KLK13: variants seen among roughly 807,000 people sequenced by gnomAD.
KLK13 encodes the protein kallikrein related peptidase 13, also known as kallikrein-13.
A neutral mutation model predicts 22.4 loss-of-function variants in KLK13; 19 were observed. That is an observed-to-expected ratio of 0.85 (90% CI 0.59 to 1.24). The LOEUF (loss-of-function observed/expected upper bound fraction) is 1.24. Ranked by LOEUF, KLK13 falls within the 50% of genes most tolerant of loss-of-function variation. The probability of loss-of-function intolerance (pLI) is 0.00; values close to 1 mark genes in which losing one functional copy is unlikely to be tolerated. For missense variants in KLK13, 311 were observed against 347.9 expected, an observed-to-expected ratio of 0.89 and a Z score of 0.84; for synonymous variants, 156 against 141.8, an observed-to-expected ratio of 1.10 and a Z score of -0.71.
At position 51,060,372 on chromosome 19, in the gene KLK13, C is replaced by A; in HGVS notation, c.239+61G>T. 5 of 1,492,726 alleles carry A rather than the reference C, an allele frequency of 3.3e-6. No individual in the cohort carries two copies. In the South Asian group the frequency reaches 5.2e-5, roughly 15 times the overall value. The allele number at this position is 1,492,726 out of a possible 1,614,324, so 92.5% of individuals were successfully genotyped here. A position where few individuals can be genotyped will look rare whatever the true frequency, so the allele number is the denominator to read the frequency against. ...ACTCCATCCTCAAATCCAACTCTAC[C>A]CCATCCACAATCCCAGTCCCATTCT... is the stretch of plus-strand genomic sequence containing the variant. On this transcript the variant is annotated intron_variant, in intron 2 of 4. Coordinates refer to ENST00000595793, the MANE Select transcript of KLK13 (RefSeq NM_015596.3).
At chr19:51,061,807 G>A (rs934606910) in intron 1 of KLK13, among the ~76,000 whole-genome samples, 4 of 152,218 alleles carry the variant, frequency 2.6e-5, no homozygotes, top group Admixed American at 2.6e-4. Context: ...GCCTTCCCAA[G>A]GTGTGCAGGA....
At chr19:51,060,381 A>G in intron 2 of KLK13, 52 bp downstream of exon 2, 1 of 1,510,608 alleles carries the variant, frequency 6.6e-7, no homozygotes, top group Non-Finnish European at 8.9e-7. Context: ...CCCCATCCAC[A>G]ATCCCAGTCC....
rs527938116 is a variant in KLK13, at chr19:51,056,214, A to G, written c.*373T>C. ...GAAGAGTTAGAGGATGTTGTCAAGG[A>G]TGGTCCATTTATAGGACATATATTG... On this transcript the variant is annotated 3_prime_UTR_variant, in exon 5 of 5. Coordinates refer to ENST00000595793, the MANE Select transcript of KLK13 (RefSeq NM_015596.3). 5.0e-6 allele frequency: 1 copy of G among 198,214 alleles called. No homozygotes were observed. The highest frequency in any genetic ancestry group is 1.1e-4 in the South Asian group (1 of 8,850). The allele number at this position is 198,214 out of a possible 1,614,324, so 12.3% of individuals were successfully genotyped here. A position where few individuals can be genotyped will look rare whatever the true frequency, so the allele number is the denominator to read the frequency against.
chr19:51,063,009 G>A (rs2091744733), intron 1 of KLK13, among the ~76,000 whole-genome samples: 1 of 152,192 alleles, frequency 6.6e-6, no homozygotes. Flanking sequence ...CGCACACTCA[G>A]ACGCTGAACC....
upstream of KLK13, among the ~76,000 whole-genome samples, chr19:51,065,408 T>C (rs2091773515): frequency 6.6e-6 from 1 of 152,068 alleles, no homozygotes; most frequent in Admixed American, 6.5e-5. Flanking sequence ...CTGCCTTCCA[T>C]TCTACCCCTC....
Position 51,058,635 on chromosome 19 carries a change from A to G in KLK13, c.548T>C (p.Leu183Pro), listed in dbSNP as rs2091697795. Residue 183 changes from leucine (L) to proline (P), a missense_variant, in exon 4 of 5, where the codon CTT (leucine) becomes CCT (proline). Leu to Pro is a moderately conservative substitution (Grantham distance 98). Transcript: ENST00000595793. ...PKTLQCANIQ[L>P]RSDEECRQVY... is the part of the protein sequence containing the mutation. Reference sequence around the variant, plus strand: ...TTGACGACACTCCTCATCTGAGCGAAGTTGGATGTTGGCACATTGTAGAGT... The same window carrying G: ...TTGACGACACTCCTCATCTGAGCGAGGTTGGATGTTGGCACATTGTAGAGT... 1.2e-6 allele frequency: 2 copies of G among 1,614,132 alleles called. No homozygotes were observed. Among genetic ancestry groups the G allele is most frequent in the East Asian group, 2.2e-5 (1 of 44,892 alleles).
chr19:51,058,544 G>A lies in KLK13; in HGVS notation c.639C>T (p.Ser213=). 1.2e-6 allele frequency: 2 copies of A among 1,614,140 alleles called. No homozygotes were observed. The highest frequency in any genetic ancestry group is 2.2e-5 in the South Asian group (2 of 91,066). The change falls in exon 4 of 5, where the codon TCC becomes TCT. Residue 213 remains serine, a synonymous_variant. Transcript: ENST00000595793. ...ACCAGCCTCCCGGCCTCACCTCACA[G>A]GAGTCTTTGCCACCCTCTTTTGTGC... ...CAGTKEGGKD[S]CEGDSGGPLV...
intron 1 of KLK13, chr19:51,064,691 T>G (rs570429341): frequency 1.1e-4 from 67 of 604,684 alleles, no homozygotes; most frequent in South Asian, 5.1e-4. Context: ...AAGCAGCTGC[T>G]AGGCTACTGG....
Position 51,065,054 on chromosome 19 carries a change from G to T in KLK13, c.14C>A (p.Ala5Asp). The T allele has an allele frequency of 7.7e-7, 1 of 1,300,776 alleles. No individual in the cohort carries two copies. Among genetic ancestry groups the T allele is most frequent in the East Asian group, 5.0e-5 (1 of 19,864 alleles). 80.6% of individuals were successfully genotyped at this position (1,300,776 alleles called of 1,614,324 possible). Reference sequence around the variant, plus strand: ...CAAGGTCAGGGAGGCGATCACTAGGGCCAGGGGCCACATGGCTCCGGGATC... The same window carrying T: ...CAAGGTCAGGGAGGCGATCACTAGGTCCAGGGGCCACATGGCTCCGGGATC... MWPL[A>D]LVIASLTLAL... The change falls in exon 1 of 5, where the codon GCC becomes GAC. Residue 5 changes from alanine to aspartate, a missense_variant. By Grantham distance (126) the Ala-to-Asp change is moderately radical. Coordinates refer to ENST00000595793, the MANE Select transcript of KLK13 (RefSeq NM_015596.3).
At chr19:51,059,741 C>T in intron 3 of KLK13, 84 bp downstream of exon 3, 1 of 1,105,032 alleles carries the variant, frequency 9.0e-7, no homozygotes. Context: ...ATAAAGGAAC[C>T]TACCTCAGAC....
chr19:51,057,488 G>A (rs965859216), intron 4 of KLK13, among the ~76,000 whole-genome samples: 2 of 151,706 alleles, frequency 1.3e-5, no homozygotes, highest in African/African-American at 4.8e-5. Flanking sequence ...TTGTTTTAGA[G>A]ACAGGGCCTT....
At chr19:51,061,661 C>A (rs2091732599) in intron 1 of KLK13, among the ~76,000 whole-genome samples, 1 of 152,262 alleles carries the variant, frequency 6.6e-6, no homozygotes, top group Non-Finnish European at 1.5e-5. Context: ...GCCCAAATGA[C>A]TACAACATTA....
At chr19:51,062,074 A>T (rs574869570) in intron 1 of KLK13, among the ~76,000 whole-genome samples, 3 of 152,120 alleles carry the variant, frequency 2.0e-5, no homozygotes, top group Admixed American at 6.6e-5. Flanking sequence ...TTAAATTTAA[A>T]CTAATTAAAA....
intron 1 of KLK13, among the ~76,000 whole-genome samples, chr19:51,062,781 G>A (rs995825466): frequency 6.6e-6 from 1 of 152,138 alleles, no homozygotes; most frequent in Non-Finnish European, 1.5e-5. Context: ...TTCAAACCGT[G>A]CAGCACAGCA....
chr19:51,060,298 AC>A (rs2091715467), intron 2 of KLK13, 134 bp downstream of exon 2: 3 of 1,106,812 alleles, frequency 2.7e-6, no homozygotes, highest in Non-Finnish European at 3.8e-6. Flanking sequence ...CCATATCTCA[AC>A]CCCAAACCTC....
At chr19:51,065,321 C>T (rs967942546), upstream of KLK13, among the ~76,000 whole-genome samples, 1 of 152,086 alleles carries the variant, frequency 6.6e-6, no homozygotes, top group Admixed American at 6.5e-5. Context: ...AGCCCCTCAC[C>T]CCAGGAAGCC....
chr19:51,059,960 T>C lies in KLK13; in HGVS notation c.373A>G (p.Ile125Val). ...GGGGACTGCAGCTCCAGAAGCATGA[T>C]GTCATGGTCGTGGTTCAGGTGGGTG... ...SPTHLNHDHD[I>V]MLLELQSPVQ... The change falls in exon 3 of 5, where the codon ATC (isoleucine) becomes GTC (valine). Residue 125 changes from isoleucine to valine, a missense_variant. Physicochemically the swap from Ile to Val is conservative, Grantham distance 29. Transcript: ENST00000595793. The C allele has an allele frequency of 6.2e-7, 1 of 1,613,272 alleles. No individual in the cohort carries two copies. The highest frequency in any genetic ancestry group is 1.1e-5 in the South Asian group (1 of 91,030).
intron 1 of KLK13, among the ~76,000 whole-genome samples, chr19:51,061,266 C>G (rs1220052376): frequency 6.6e-6 from 1 of 152,144 alleles, no homozygotes; most frequent in Non-Finnish European, 1.5e-5. Flanking sequence ...ATCCATATAT[C>G]CATCCATGCA....
chr19:51,057,361 G>C (rs912532191), intron 4 of KLK13, among the ~76,000 whole-genome samples: 1 of 151,822 alleles, frequency 6.6e-6, no homozygotes, highest in African/African-American at 2.4e-5. Flanking sequence ...ATTGATGAAG[G>C]CTATTTTTTG....
Sources: allele counts gnomAD v4.1 joint callset (sites outside exome capture counted in the v4.1 genomes callset), GRCh38; gene constraint gnomAD v4.1.1; transcripts MANE v1.5; gene names NCBI Gene and HGNC (gene_info 2026-07-23, HGNC 2026-07-21).